The following NEMP2 variants were observed in gnomAD, a reference collection of about 807,000 sequenced individuals.
The protein encoded by NEMP2 is UPF0571 transmembrane protein.
NEMP2 carries 53 observed loss-of-function variants against 54.2 expected under a neutral mutation model. That is an observed-to-expected ratio of 0.98 (90% CI 0.78 to 1.23). The LOEUF (loss-of-function observed/expected upper bound fraction) is 1.23. NEMP2 is among the 50% of genes most tolerant of loss of function. The pLI is 0.00. For missense variants in NEMP2, 455 were observed against 511.3 expected (o/e 0.89, Z 1.06); for synonymous variants, 197 against 190.3 (o/e 1.04, Z -0.29).
At chr2:190,627,223 A>G in the NEMP2 span, among the ~76,000 whole-genome samples, 2 of 152,254 alleles carry the variant, frequency 1.3e-5, no homozygotes, top group African/African-American at 4.8e-5. The surrounding 1 kb of genome is among the most constrained non-coding windows in gnomAD (Gnocchi z 4.4). Flanking sequence ...GCTCAACAAC[A>G]GTTTTTGAAT....
At chr2:190,538,510 A>G (rs1247990978), upstream of NEMP2, among the ~76,000 whole-genome samples, 1 of 152,178 alleles carries the variant, frequency 6.6e-6, no homozygotes, top group Admixed American at 6.5e-5. This position sits in a 1 kb window ranked among gnomAD's most constrained non-coding sequence, Gnocchi z 4.1. Context: ...TTTCTGGATC[A>G]TATGGTAGGT....
rs1212793195 is a variant in NEMP2, at chr2:190,514,534, T to G, written c.872A>C (p.Gln291Pro). ...GAGGATTATGGCTGCATAGGCAAACTGAGGCACGGCCACACCAGCATAGAC... is the reference window on the plus strand; with the variant it reads ...GAGGATTATGGCTGCATAGGCAAACGGAGGCACGGCCACACCAGCATAGAC... ...VLVYAGVAVP[Q>P]FAYAAIILLM... The change falls in exon 7 of 9, where the codon CAG becomes CCG. Residue 291 changes from glutamine (Q) to proline (P), a missense_variant. By Grantham distance (76) the Gln-to-Pro change is moderately conservative. Around this residue, in one of 3 missense-constraint regions of NEMP2, gnomAD observed 294 missense variants for 333.6 expected, o/e 0.88. Transcript: ENST00000409150. This position sits in a 1 kb window ranked among gnomAD's most constrained non-coding sequence, Gnocchi z 5.7. The G allele has an allele frequency of 2.6e-6, 4 of 1,551,558 alleles. No homozygotes were observed. Among genetic ancestry groups the G allele is most frequent in the Non-Finnish European group, 3.5e-6 (4 of 1,147,002 alleles).
chr2:190,446,940 C>A, the NEMP2 span, among the ~76,000 whole-genome samples: 1 of 152,200 alleles, frequency 6.6e-6, no homozygotes, highest in East Asian at 1.9e-4. Context: ...GTGCACTGCT[C>A]TGAAAATATG....
chr2:190,583,616 C>G, the NEMP2 span, among the ~76,000 whole-genome samples: 3 of 152,178 alleles, frequency 2.0e-5, no homozygotes, highest in Admixed American at 2.0e-4. Flanking sequence ...GATGTGCAGG[C>G]AAGATTTGCA....
At chr2:190,595,755 G>T in the NEMP2 span, among the ~76,000 whole-genome samples, 1 of 152,166 alleles carries the variant, frequency 6.6e-6, no homozygotes, top group Non-Finnish European at 1.5e-5. The surrounding 1 kb of genome is among the most constrained non-coding windows in gnomAD (Gnocchi z 4.0). Context: ...AACAACAGAT[G>T]CTGGAGAGGA....
At chr2:190,648,010 C>A in the NEMP2 span, among the ~76,000 whole-genome samples, 4 of 152,096 alleles carry the variant, frequency 2.6e-5, no homozygotes, top group East Asian at 7.7e-4. Context: ...CCTGGCCAGC[C>A]TAAGTACATT....
the NEMP2 span, among the ~76,000 whole-genome samples, chr2:190,558,419 A>G: frequency 6.6e-6 from 1 of 152,214 alleles, no homozygotes. This position sits in a 1 kb window ranked among gnomAD's most constrained non-coding sequence, Gnocchi z 4.4. Context: ...ATGTATACCT[A>G]TGTAACAAAC....
Position 190,509,232 on chromosome 2 carries a change from C to A in NEMP2, c.1211G>T (p.Gly404Val). The A allele has an allele frequency of 6.4e-7, 1 of 1,551,658 alleles. No homozygotes were observed. Among genetic ancestry groups the A allele is most frequent in the Non-Finnish European group, 8.7e-7 (1 of 1,146,996 alleles). The change falls in exon 9 of 9, where the codon GGT (glycine) becomes GTT (valine). Residue 404 changes from glycine to valine, a missense_variant. Coordinates refer to ENST00000409150, the MANE Select transcript of NEMP2 (RefSeq NM_001142645.2). The surrounding 1 kb of genome is among the most constrained non-coding windows in gnomAD (Gnocchi z 6.1). ...SLHEEQYGLG[G>V]AFLEEQLFNP... ...AAAGAGCTGCTCTTCCAAGAAGGCA[C>A]CCCCAAGGCCATACTGCTCTTCATG... is the stretch of plus-strand genomic sequence containing the variant.
the NEMP2 span, among the ~76,000 whole-genome samples, chr2:190,494,252 G>A: frequency 3.3e-5 from 5 of 151,746 alleles, no homozygotes; most frequent in East Asian, 1.9e-4. This position sits in a 1 kb window ranked among gnomAD's most constrained non-coding sequence, Gnocchi z 5.7. Flanking sequence ...ACTGGAAAAC[G>A]CAGAGGAGAT....
At chr2:190,625,532 A>T in the NEMP2 span, 11 of 152,236 alleles carry the variant, frequency 7.2e-5, no homozygotes, top group Non-Finnish European at 1.6e-4. Flanking sequence ...TGAATTGCAC[A>T]CGTTGAAAGG....
In NEMP2 at chr2:190,519,837, G is replaced by A. The variant is rs569427493; in HGVS notation, c.214-654C>T. On this transcript the variant is annotated intron_variant, in intron 2 of 8. Transcript: ENST00000409150. This position sits in a 1 kb window ranked among gnomAD's most constrained non-coding sequence, Gnocchi z 5.4. ...TTTACATCACTGTGCTTTGCAGATA[G>A]TGCATTTCTTACAAACGGAAGGTTT... 3.3e-5 allele frequency among the ~76,000 whole-genome samples: 5 copies of A among 152,322 alleles called. No homozygotes were observed. The South Asian group carries it at 1.0e-3, about 32-fold the overall frequency.
rs1199147163 is a variant in NEMP2 at position 190,513,492 on chromosome 2, A to G, written c.953+961T>C. On this transcript the variant is annotated intron_variant, in intron 7 of 8. Coordinates refer to ENST00000409150, the MANE Select transcript of NEMP2 (RefSeq NM_001142645.2). This position sits in a 1 kb window ranked among gnomAD's most constrained non-coding sequence, Gnocchi z 5.3. ...GCCTGGGTCCTAAGCAACTGGTTTG[A>G]TAACTGCTGTAGAGGCAGCAGTCAG... is the stretch of plus-strand genomic sequence containing the variant. Among the ~76,000 whole-genome samples the G allele has an allele frequency of 1.3e-5, 2 of 152,232 alleles. No homozygotes were observed. The highest frequency in any genetic ancestry group is 2.9e-5 in the Non-Finnish European group (2 of 68,050).
the NEMP2 span, chr2:190,436,718 C>A: frequency 6.2e-7 from 1 of 1,614,234 alleles, no homozygotes; most frequent in South Asian, 1.1e-5. The surrounding 1 kb of genome is among the most constrained non-coding windows in gnomAD (Gnocchi z 5.3). Flanking sequence ...CAGCCCCAGA[C>A]AGGTGAAATT....
At chr2:190,599,325 T>C in the NEMP2 span, among the ~76,000 whole-genome samples, 1 of 152,188 alleles carries the variant, frequency 6.6e-6, no homozygotes, top group Non-Finnish European at 1.5e-5. Flanking sequence ...TGGCATCAAG[T>C]AGATGAAAAA....
chr2:190,469,742 T>TTTTA, the NEMP2 span: 3 of 1,411,484 alleles, frequency 2.1e-6, no homozygotes. This position sits in a 1 kb window ranked among gnomAD's most constrained non-coding sequence, Gnocchi z 5.3. Flanking sequence ...TATTTTTATT[T>TTTTA]TTTATTTTTT....
At chr2:190,429,092 A>T in the NEMP2 span, among the ~76,000 whole-genome samples, 2 of 152,054 alleles carry the variant, frequency 1.3e-5, no homozygotes, top group Admixed American at 1.3e-4. Flanking sequence ...GGCCATTTGT[A>T]TAGGCTCTTT....
chr2:190,429,307 A>G, the NEMP2 span, among the ~76,000 whole-genome samples: 1 of 151,024 alleles, frequency 6.6e-6, no homozygotes, highest in Non-Finnish European at 1.5e-5. Flanking sequence ...TCAATCTTTA[A>G]TGGTAGCTTA....
At chr2:190,613,807 C>G in the NEMP2 span, among the ~76,000 whole-genome samples, 13 of 152,026 alleles carry the variant, frequency 8.6e-5, no homozygotes, top group Non-Finnish European at 5.9e-5. Flanking sequence ...CCAGGCTGCT[C>G]TTGAACTCCT....
intron 1 of NEMP2, 24 bp downstream of exon 1, chr2:190,534,532 GCGC>G (rs550233201): frequency 1.1e-4 from 148 of 1,379,244 alleles, no homozygotes; most frequent in South Asian, 5.6e-4. Context: ...ACGCACGCGC[GCGC>G]CGCCGCCGCC....
Sources: gnomAD v4.1 joint callset for allele counts (sites outside exome capture counted in the v4.1 genomes callset) on GRCh38, gnomAD v4.1.1 for gene constraint, gnomAD v4.1.1 regional missense constraint, Gnocchi (gnomAD v3.1) non-coding constraint, MANE v1.5 for transcripts, NCBI Gene and HGNC (gene_info 2026-07-23, HGNC 2026-07-21) for gene names.